LRBA: variants seen among roughly 807,000 people sequenced by gnomAD.
LRBA encodes LPS responsive beige-like anchor protein.
Under a neutral mutation model 330.0 loss-of-function variants are expected in LRBA, and 176 were observed. The ratio of observed to expected loss-of-function variants is 0.53; its 90% CI spans 0.47 to 0.60. LRBA has a LOEUF of 0.60. LRBA is among the 20% of genes least tolerant of loss of function. The pLI, the probability that LRBA is intolerant of heterozygous loss-of-function variation, is 0.00. For missense variants in LRBA, 3,259 were observed against 3,444.8 expected (o/e 0.95, Z 1.35); for synonymous variants, 1,230 against 1,193.0 (o/e 1.03, Z -0.64).
At chr4:150,368,852 T>C (rs1739863558) in intron 47 of LRBA, among the ~76,000 whole-genome samples, 1 of 152,216 alleles carries the variant, frequency 6.6e-6, no homozygotes. Context: ...CTCTCACTCA[T>C]GTTAACAGGA....
At chr4:150,745,380 T>TA (rs1387452237) in intron 35 of LRBA, among the ~76,000 whole-genome samples, 1 of 151,632 alleles carries the variant, frequency 6.6e-6, no homozygotes, top group Non-Finnish European at 1.5e-5. Context: ...AATAATCTAC[T>TA]AAAGATGAAA....
At chr4:150,422,823 C>T in intron 46 of LRBA, 1 of 1,461,784 alleles carries the variant, frequency 6.8e-7, no homozygotes, top group Non-Finnish European at 9.6e-7. Context: ...CTGGAACTTG[C>T]CCTGCAGCCA....
At chr4:150,981,182 G>A (rs868682078) in intron 2 of LRBA, among the ~76,000 whole-genome samples, 31 of 151,648 alleles carry the variant, frequency 2.0e-4, no homozygotes, top group African/African-American at 5.8e-4. Flanking sequence ...GGGAGGCCGC[G>A]GTGGGCAGAT....
intron 38 of LRBA, among the ~76,000 whole-genome samples, chr4:150,597,644 TA>T (rs1049005433): frequency 6.6e-6 from 1 of 151,644 alleles, no homozygotes; most frequent in Non-Finnish European, 1.5e-5. Context: ...TACATTTTGT[TA>T]AAAATTGCAA....
rs562892154 is a variant in LRBA at position 150,758,936 on chromosome 4, A to G, written c.5645+2847T>C. 2.6e-5 allele frequency among the ~76,000 whole-genome samples: 4 copies of G among 151,784 alleles called. No homozygotes were observed. The South Asian group carries it at 8.3e-4, about 32-fold the overall frequency. On this transcript the variant is annotated intron_variant, in intron 35 of 56. Coordinates refer to ENST00000651943, the MANE Select transcript of LRBA (RefSeq NM_001364905.1). Reference sequence around the variant, plus strand: ...CAGCCATAGTCATTTTTTCCCCACGACAGGGTCTTGCTCTATCTCCCAGGC... The same window carrying G: ...CAGCCATAGTCATTTTTTCCCCACGGCAGGGTCTTGCTCTATCTCCCAGGC...
intron 34 of LRBA, among the ~76,000 whole-genome samples, chr4:150,766,096 G>A (rs1014775302): frequency 2.0e-5 from 3 of 151,848 alleles, no homozygotes; most frequent in Admixed American, 6.6e-5. Flanking sequence ...TGGTTTTCTC[G>A]AGGATCATCT....
rs1784471397 is a variant in LRBA, at chr4:150,694,640, C to T, written c.5755-10923G>A. On this transcript the variant is annotated intron_variant, in intron 36 of 56. Coordinates refer to ENST00000651943, the MANE Select transcript of LRBA (RefSeq NM_001364905.1). ...AACGACTCAAAGTATTGATTTCTCT[C>T]AGCATGAAAAAGCCTAAGCCAATGA... Among the ~76,000 whole-genome samples the T allele has an allele frequency of 2.6e-5, 4 of 151,984 alleles. No homozygotes were observed. The South Asian group carries it at 8.3e-4, about 32-fold the overall frequency.
chr4:150,962,129 T>C (rs967964978), intron 2 of LRBA, among the ~76,000 whole-genome samples: 4 of 149,404 alleles, frequency 2.7e-5, no homozygotes, highest in Non-Finnish European at 4.4e-5. Flanking sequence ...TAATAAACAA[T>C]TCAATAAACA....
chr4:150,428,455 T>TA (rs1248882220), intron 46 of LRBA, among the ~76,000 whole-genome samples: 2 of 152,056 alleles, frequency 1.3e-5, no homozygotes, highest in South Asian at 2.1e-4. Context: ...AATCTCATCC[T>TA]AAAAAATGAG....
At chr4:150,579,374 G>T (rs772369341) in intron 40 of LRBA, 1 of 454,708 alleles carries the variant, frequency 2.2e-6, no homozygotes, top group Non-Finnish European at 4.4e-6. Flanking sequence ...GGGTGGGGGA[G>T]GGGGGAGAAA....
At chr4:150,877,140 C>G (rs1352219839) in intron 17 of LRBA, among the ~76,000 whole-genome samples, 1 of 151,870 alleles carries the variant, frequency 6.6e-6, no homozygotes, top group Non-Finnish European at 1.5e-5. Flanking sequence ...CGCCTGTATT[C>G]CCAGCTACTC....
At chr4:150,275,690 C>G (rs7657086) in intron 56 of LRBA, among the ~76,000 whole-genome samples, 94,099 of 151,922 alleles carry the variant, frequency 0.62, 29,861 homozygotes, top group South Asian at 0.82. Context: ...GCTACAAAGA[C>G]AATTAAATAC....
At chr4:150,309,997 G>A (rs1215358063) in intron 52 of LRBA, among the ~76,000 whole-genome samples, 1 of 152,116 alleles carries the variant, frequency 6.6e-6, no homozygotes, top group Non-Finnish European at 1.5e-5. Flanking sequence ...GCATGAGCTT[G>A]GGTCACAAAC....
chr4:150,637,450 C>T (rs1431147265), intron 37 of LRBA, among the ~76,000 whole-genome samples: 1 of 152,170 alleles, frequency 6.6e-6, no homozygotes, highest in African/African-American at 2.4e-5. Flanking sequence ...TCCCTGCCTC[C>T]TAGTGTTCAT....
chr4:150,444,154 G>C (rs1411287903), intron 44 of LRBA, among the ~76,000 whole-genome samples: 6 of 151,678 alleles, frequency 4.0e-5, no homozygotes, highest in Admixed American at 3.3e-4. Flanking sequence ...GGCAAATACA[G>C]TTTTTTTAAA....
chr4:150,723,096 T>C (rs1274816237), intron 36 of LRBA, among the ~76,000 whole-genome samples: 1 of 152,022 alleles, frequency 6.6e-6, no homozygotes, highest in East Asian at 1.9e-4. Context: ...GTACACTGGG[T>C]TCCTAGATAA....
chr4:150,483,669 G>GAAAT (rs1757552011), intron 42 of LRBA, among the ~76,000 whole-genome samples: 1 of 151,824 alleles, frequency 6.6e-6, no homozygotes, highest in Admixed American at 6.6e-5. Context: ...AAGAAAGAAA[G>GAAAT]AAAAAGCCTG....
At chr4:150,409,324 G>A (rs1399161945) in intron 47 of LRBA, among the ~76,000 whole-genome samples, 1 of 152,058 alleles carries the variant, frequency 6.6e-6, no homozygotes, top group Non-Finnish European at 1.5e-5. Context: ...ATAAATTTCT[G>A]TTGTTTCTAC....
intron 4 of LRBA, among the ~76,000 whole-genome samples, chr4:150,927,761 TA>T (rs1042859304): frequency 6.6e-6 from 1 of 151,888 alleles, no homozygotes; most frequent in Non-Finnish European, 1.5e-5. Context: ...TGAAAATTAG[TA>T]AAAAAAACTA....
Sources: allele counts gnomAD v4.1 joint callset (sites outside exome capture counted in the v4.1 genomes callset), GRCh38; gene constraint gnomAD v4.1.1; transcripts MANE v1.5; gene names NCBI Gene and HGNC (gene_info 2026-07-23, HGNC 2026-07-21).